ZNF782: variants seen among roughly 807,000 people sequenced by gnomAD.
ZNF782 encodes the protein zinc finger protein 782.
A neutral mutation model predicts 13.0 loss-of-function variants in ZNF782; 12 were observed. The observed-to-expected ratio is 0.92, with a 90% CI of 0.59 to 1.50. The LOEUF is 1.50. ZNF782 is among the 40% of genes most tolerant of loss of function. The pLI, the probability that ZNF782 is intolerant of heterozygous loss-of-function variation, is 0.00. For synonymous variants in ZNF782, 284 were observed against 283.0 expected (o/e 1.00, Z -0.04); for missense variants, 770 against 822.9 (o/e 0.94, Z 0.79).
the ZNF782 span, chr9:96,894,135 T>A: frequency 6.6e-6 from 1 of 151,770 alleles, no homozygotes; most frequent in Non-Finnish European, 1.5e-5. Flanking sequence ...TAGGTGGGAA[T>A]TGAACAATGA....
the ZNF782 span, among the ~76,000 whole-genome samples, chr9:96,925,360 G>A: frequency 5.3e-5 from 8 of 152,164 alleles, no homozygotes; most frequent in Middle Eastern, 3.4e-3. Context: ...GAGTCTGACC[G>A]GGCGCGGTGG....
At chr9:96,910,861 C>A in the ZNF782 span, among the ~76,000 whole-genome samples, 1 of 150,326 alleles carries the variant, frequency 6.7e-6, no homozygotes, top group African/African-American at 2.4e-5. Flanking sequence ...TGGTCTCGAT[C>A]TCCTGACCTC....
chr9:96,874,573 T>C (rs1333326361), intron 1 of ZNF782, among the ~76,000 whole-genome samples: 1 of 152,206 alleles, frequency 6.6e-6, no homozygotes, highest in African/African-American at 2.4e-5. Flanking sequence ...CAGACTCTAG[T>C]GGTTTCTGGA....
chr9:96,852,598 G>GA (rs1851529004), intron 2 of ZNF782, among the ~76,000 whole-genome samples: 1 of 152,228 alleles, frequency 6.6e-6, no homozygotes, highest in South Asian at 2.1e-4. Context: ...AGTGAGCCAT[G>GA]TTTGTGCCAC....
intron 5 of ZNF782, among the ~76,000 whole-genome samples, chr9:96,825,609 G>A (rs1352757311): frequency 6.6e-6 from 1 of 151,266 alleles, no homozygotes; most frequent in Non-Finnish European, 1.5e-5. Context: ...TACCATCAGA[G>A]TGAACAGACA....
Position 96,819,232 on chromosome 9 carries a change from A to T in ZNF782, c.791T>A (p.Met264Lys). ...CTCATAGTGACTCTTCTCTGGATTC[A>T]TGTTCTGAGGAATAATAAAGGTTGA... ...DKSTFIIPQNMNPEKSHYEFN... is the reference protein window; with the variant it reads ...DKSTFIIPQNKNPEKSHYEFN... Residue 264 changes from methionine (M) to lysine (K), a missense_variant, in exon 6 of 6, where the codon ATG (methionine) becomes AAG (lysine). By Grantham distance (95) the Met-to-Lys change is moderately conservative. Transcript: ENST00000481138. 6.2e-7 allele frequency: 1 copy of T among 1,611,100 alleles called. No individual in the cohort carries two copies. Among genetic ancestry groups the T allele is most frequent in the Admixed American group, 1.7e-5 (1 of 59,428 alleles).
the ZNF782 span, among the ~76,000 whole-genome samples, chr9:96,881,616 CT>C: frequency 1.3e-5 from 2 of 151,996 alleles, no homozygotes; most frequent in Non-Finnish European, 2.9e-5. Flanking sequence ...AAGGCTTGAA[CT>C]TTTTTTCCTC....
At chr9:96,897,441 C>T in the ZNF782 span, among the ~76,000 whole-genome samples, 2 of 152,192 alleles carry the variant, frequency 1.3e-5, no homozygotes, top group African/African-American at 4.8e-5. Flanking sequence ...GATGGAGAAT[C>T]AGCACTCTTC....
chr9:96,866,806 G>T (rs906935073), intron 1 of ZNF782, among the ~76,000 whole-genome samples: 2 of 152,262 alleles, frequency 1.3e-5, no homozygotes, highest in Non-Finnish European at 2.9e-5. Context: ...AGACCTGGAT[G>T]TGAGACATGG....
At chr9:96,861,719 C>T (rs532816743) in intron 1 of ZNF782, 5 of 154,250 alleles carry the variant, frequency 3.2e-5, no homozygotes, top group East Asian at 3.9e-4. Context: ...GAGGGATCAT[C>T]TCACCCCATT....
intron 3 of ZNF782, among the ~76,000 whole-genome samples, chr9:96,845,917 A>G (rs1851329003): frequency 6.6e-6 from 1 of 152,238 alleles, no homozygotes; most frequent in Non-Finnish European, 1.5e-5. Flanking sequence ...TCTAAAGCCA[A>G]CATGAAGGAC....
the ZNF782 span, among the ~76,000 whole-genome samples, chr9:96,912,988 G>A: frequency 1.3e-5 from 2 of 151,788 alleles, no homozygotes; most frequent in Non-Finnish European, 2.9e-5. Flanking sequence ...AAACAAGTAG[G>A]CTTTCAAAAA....
At chr9:96,894,728 T>C in the ZNF782 span, 1 of 152,164 alleles carries the variant, frequency 6.6e-6, no homozygotes, top group Non-Finnish European at 1.5e-5. Flanking sequence ...TTTCTTTTTC[T>C]ATTTATTATT....
At chr9:96,881,187 TTTTA>T in the ZNF782 span, among the ~76,000 whole-genome samples, 290 of 152,252 alleles carry the variant, frequency 1.9e-3, no homozygotes, top group African/African-American at 4.6e-3. Context: ...TGTTTATCAA[TTTTA>T]TTTATCTCTT....
At chr9:96,916,243 G>A in the ZNF782 span, among the ~76,000 whole-genome samples, 2 of 151,908 alleles carry the variant, frequency 1.3e-5, no homozygotes, top group South Asian at 2.1e-4. Flanking sequence ...TGTAATCCCA[G>A]CACTTTGGAG....
intron 4 of ZNF782, among the ~76,000 whole-genome samples, chr9:96,834,192 A>AG (rs1564002601): frequency 6.6e-6 from 1 of 152,182 alleles, no homozygotes; most frequent in South Asian, 2.1e-4. Context: ...GACCAGGTGG[A>AG]GAAAACTGAA....
the ZNF782 span, among the ~76,000 whole-genome samples, chr9:96,923,431 TG>T: frequency 6.9e-6 from 1 of 145,864 alleles, no homozygotes; most frequent in Non-Finnish European, 1.5e-5. Context: ...CCAATAGTCA[TG>T]GATCTGCCCT....
intron 1 of ZNF782, among the ~76,000 whole-genome samples, chr9:96,864,084 CAT>C (rs1433861515): frequency 1.3e-5 from 2 of 149,228 alleles, no homozygotes; most frequent in Non-Finnish European, 3.0e-5. Context: ...CATACACACA[CAT>C]ATATTTGTTT....
At chr9:96,882,783 A>G in the ZNF782 span, among the ~76,000 whole-genome samples, 1 of 152,230 alleles carries the variant, frequency 6.6e-6, no homozygotes, top group Non-Finnish European at 1.5e-5. Flanking sequence ...AGAAATTTCA[A>G]ATTTAAAAAG....
Sources: gnomAD v4.1 joint callset for allele counts (sites outside exome capture counted in the v4.1 genomes callset) on GRCh38, gnomAD v4.1.1 for gene constraint, MANE v1.5 for transcripts, NCBI Gene and HGNC (gene_info 2026-07-23, HGNC 2026-07-21) for gene names.